The following PRKN variants were observed in gnomAD, a reference collection of about 807,000 sequenced individuals.
PRKN encodes parkin RBR E3 ubiquitin protein ligase, also known as E3 ubiquitin-protein ligase parkin.
A neutral mutation model predicts 59.5 loss-of-function variants in PRKN; 56 were observed. The observed-to-expected ratio is 0.94, with a 90% CI of 0.76 to 1.18. The LOEUF (loss-of-function observed/expected upper bound fraction) is 1.18. Ranked by LOEUF, PRKN falls within the 50% of genes most tolerant of loss-of-function variation. PRKN has a pLI of 0.00. For missense variants in PRKN, 657 were observed against 596.4 expected (o/e 1.10, Z -1.06); for synonymous variants, 250 against 222.1 (o/e 1.13, Z -1.12).
At chr6:161,432,833 G>A (rs1052690988) in intron 9 of PRKN, among the ~76,000 whole-genome samples, 1 of 152,042 alleles carries the variant, frequency 6.6e-6, no homozygotes, top group African/African-American at 2.4e-5. Flanking sequence ...TGGCAAAGGC[G>A]TATTGAAAAT....
chr6:162,647,844 C>T (rs1388057732), intron 1 of PRKN, among the ~76,000 whole-genome samples: 4 of 150,214 alleles, frequency 2.7e-5, no homozygotes, highest in African/African-American at 9.8e-5. Context: ...TTATCTATCA[C>T]TCCTCTATTG....
chr6:162,493,221 C>T (rs918703595), intron 1 of PRKN, among the ~76,000 whole-genome samples: 6 of 152,078 alleles, frequency 3.9e-5, no homozygotes, highest in South Asian at 2.1e-4. Context: ...AAGAGAGAGG[C>T]AATTTAAAAT....
intron 2 of PRKN, chr6:162,270,257 C>T (rs1164750474): frequency 2.0e-5 from 3 of 152,158 alleles, no homozygotes; most frequent in Non-Finnish European, 4.4e-5. Flanking sequence ...AGTGAAGTAA[C>T]TCAGGGATGG....
chr6:161,384,416 G>A (rs945288772), intron 10 of PRKN, among the ~76,000 whole-genome samples: 2 of 151,916 alleles, frequency 1.3e-5, no homozygotes, highest in Non-Finnish European at 2.9e-5. Flanking sequence ...GGTGGCATGT[G>A]CCTGCAGTTC....
intron 1 of PRKN, among the ~76,000 whole-genome samples, chr6:162,617,270 C>T (rs1782463748): frequency 6.6e-6 from 1 of 152,148 alleles, no homozygotes; most frequent in Non-Finnish European, 1.5e-5. Flanking sequence ...CACACTCTGT[C>T]ACCCAGCCTG....
intron 10 of PRKN, among the ~76,000 whole-genome samples, chr6:161,384,156 T>G (rs561386782): frequency 1.3e-5 from 2 of 152,308 alleles, no homozygotes; most frequent in East Asian, 3.9e-4. Context: ...ATTGAAGCCG[T>G]AGAAACTCCA....
At chr6:162,417,791 A>T (rs1788710841) in intron 2 of PRKN, among the ~76,000 whole-genome samples, 1 of 152,190 alleles carries the variant, frequency 6.6e-6, no homozygotes, top group African/African-American at 2.4e-5. Flanking sequence ...ATCAAGAGTT[A>T]GTGTCCACGT....
intron 6 of PRKN, among the ~76,000 whole-genome samples, chr6:161,863,511 G>A (rs2128225153): frequency 6.6e-6 from 1 of 152,072 alleles, no homozygotes; most frequent in Admixed American, 6.5e-5. Flanking sequence ...CTACTCTTAA[G>A]AAAAGTGAGT....
At chr6:162,589,344 A>T (rs1781205654) in intron 1 of PRKN, among the ~76,000 whole-genome samples, 1 of 152,156 alleles carries the variant, frequency 6.6e-6, no homozygotes, top group Non-Finnish European at 1.5e-5. Context: ...AAATGTTACA[A>T]GAAATTTAAA....
chr6:161,486,352 G>A (rs1051759767), intron 9 of PRKN, among the ~76,000 whole-genome samples: 4 of 152,094 alleles, frequency 2.6e-5, no homozygotes, highest in Non-Finnish European at 4.4e-5. Context: ...TCTGCTAAGA[G>A]TATGTATATG....
intron 6 of PRKN, among the ~76,000 whole-genome samples, chr6:161,793,418 C>T (rs1790716010): frequency 6.6e-6 from 1 of 152,012 alleles, no homozygotes; most frequent in Admixed American, 6.6e-5. Context: ...AGCTTATTTG[C>T]AGAAGTCCCA....
At chr6:162,376,700 G>A (rs752292689) in intron 2 of PRKN, among the ~76,000 whole-genome samples, 4 of 146,058 alleles carry the variant, frequency 2.7e-5, no homozygotes, top group Admixed American at 6.9e-5. Context: ...ATGGACACAC[G>A]GAGAGAGAGG....
chr6:162,267,736 G>C (rs1308009868), intron 2 of PRKN, among the ~76,000 whole-genome samples: 1 of 152,150 alleles, frequency 6.6e-6, no homozygotes, highest in African/African-American at 2.4e-5. Flanking sequence ...TGAGGGATCA[G>C]TATCTTGGGC....
chr6:162,107,165 T>C (rs919242877), intron 4 of PRKN, among the ~76,000 whole-genome samples: 1 of 152,050 alleles, frequency 6.6e-6, no homozygotes, highest in Non-Finnish European at 1.5e-5. Context: ...ATTCCTTGCT[T>C]AAAAATAAAA....
intron 6 of PRKN, among the ~76,000 whole-genome samples, chr6:161,811,243 A>C (rs767605001): frequency 6.6e-5 from 10 of 152,196 alleles, no homozygotes; most frequent in Non-Finnish European, 1.3e-4. Context: ...ATTGTCAGAA[A>C]GAAAGTTTTC....
At chr6:161,798,688 G>A (rs573343711) in intron 6 of PRKN, among the ~76,000 whole-genome samples, 1 of 152,290 alleles carries the variant, frequency 6.6e-6, no homozygotes, top group East Asian at 1.9e-4. Context: ...TTGATCCAGA[G>A]TATTCCAGGA....
At chr6:161,415,998 C>A (rs951315901) in intron 9 of PRKN, among the ~76,000 whole-genome samples, 1 of 152,068 alleles carries the variant, frequency 6.6e-6, no homozygotes, top group East Asian at 1.9e-4. Flanking sequence ...TCAAATCGCA[C>A]CTTCTCGATG....
rs189843268 is a variant in PRKN at position 162,368,133 on chromosome 6, C to G, written c.171+75177G>C. ...GCATCTGGGAAATACAGTTTCCTCCCGAGCCAAGCATTGCGGAGCAGCACA... is the reference window on the plus strand; with the variant it reads ...GCATCTGGGAAATACAGTTTCCTCCGGAGCCAAGCATTGCGGAGCAGCACA... On this transcript the variant is annotated intron_variant, in intron 2 of 11. Coordinates refer to ENST00000366898, the MANE Select transcript of PRKN (RefSeq NM_004562.3). Among the ~76,000 whole-genome samples the G allele has an allele frequency of 3.7e-3, 558 of 152,242 alleles. 5 individuals are homozygous for G. The highest frequency in any genetic ancestry group is 0.012 in the African/African-American group (513 of 41,546).
At chr6:161,571,922 C>G (rs1447908566) in intron 7 of PRKN, among the ~76,000 whole-genome samples, 1 of 152,160 alleles carries the variant, frequency 6.6e-6, no homozygotes, top group Admixed American at 6.5e-5. Context: ...ATCAGATTTC[C>G]TGGTTCTCAG....
Sources: allele counts gnomAD v4.1 joint callset (sites outside exome capture counted in the v4.1 genomes callset), GRCh38; gene constraint gnomAD v4.1.1; transcripts MANE v1.5; gene names NCBI Gene and HGNC (gene_info 2026-07-23, HGNC 2026-07-21).